Variants in CNBD1 observed in about 807,000 individuals in gnomAD.
CNBD1 encodes the protein cyclic nucleotide binding domain containing 1, also known as cyclic nucleotide-binding domain-containing protein 1.
CNBD1 carries 71 observed loss-of-function variants against 54.4 expected under a neutral mutation model. The ratio of observed to expected loss-of-function variants is 1.30; its 90% CI spans 1.08 to 1.59. The LOEUF (loss-of-function observed/expected upper bound fraction) is 1.59. Among genes scored for constraint, CNBD1 ranks in the 40% most tolerant of loss-of-function variants. The probability of loss-of-function intolerance (pLI) is 0.00; values close to 1 mark genes in which losing one functional copy is unlikely to be tolerated. For synonymous variants in CNBD1, 182 were observed against 170.7 expected (o/e 1.07, Z -0.51); for missense variants, 659 against 518.0 (o/e 1.27, Z -2.64).
intron 2 of CNBD1, among the ~76,000 whole-genome samples, chr8:87,417,258 A>G (rs572769627): frequency 9.8e-4 from 149 of 151,978 alleles, no homozygotes; most frequent in Non-Finnish European, 1.8e-3. Flanking sequence ...CCTTCATAAA[A>G]CCATCAGATC....
chr8:86,933,480 G>C (rs541757225), intron 3 of CNBD1, among the ~76,000 whole-genome samples: 13 of 152,222 alleles, frequency 8.5e-5, no homozygotes, highest in Non-Finnish European at 1.8e-4. Flanking sequence ...GCAAGTTACA[G>C]AATCCATAAG....
chr8:87,171,687 G>C (rs1305053929), intron 4 of CNBD1, among the ~76,000 whole-genome samples: 1 of 151,174 alleles, frequency 6.6e-6, no homozygotes, highest in Non-Finnish European at 1.5e-5. Context: ...CTCCCAGGCT[G>C]GAGTGCAGTG....
intron 2 of CNBD1, among the ~76,000 whole-genome samples, chr8:87,413,148 CT>C (rs1170709216): frequency 6.6e-6 from 1 of 151,922 alleles, no homozygotes; most frequent in East Asian, 1.9e-4. Flanking sequence ...GCCTTATATC[CT>C]TGTGGGAACG....
intron 4 of CNBD1, among the ~76,000 whole-genome samples, chr8:87,184,708 C>G (rs1461674863): frequency 6.6e-6 from 1 of 152,062 alleles, no homozygotes; most frequent in African/African-American, 2.4e-5. Flanking sequence ...TAACTTCCTC[C>G]CCTTTCAGCC....
At chr8:86,952,074 A>G (rs1442602047) in intron 4 of CNBD1, among the ~76,000 whole-genome samples, 2 of 152,098 alleles carry the variant, frequency 1.3e-5, no homozygotes, top group Admixed American at 6.6e-5. Context: ...TAATATAACC[A>G]TTTGTCTTCC....
At chr8:87,071,986 G>A (rs979354727) in intron 4 of CNBD1, among the ~76,000 whole-genome samples, 11 of 152,056 alleles carry the variant, frequency 7.2e-5, no homozygotes, top group African/African-American at 2.7e-4. Flanking sequence ...TTATGAATCT[G>A]GGTGCTCCTG....
intron 10 of CNBD1, among the ~76,000 whole-genome samples, chr8:87,371,283 A>G (rs1810787205): frequency 6.6e-6 from 1 of 151,974 alleles, no homozygotes; most frequent in Non-Finnish European, 1.5e-5. Context: ...TGGTAGCTTG[A>G]TGGGGATGGC....
intron 4 of CNBD1, among the ~76,000 whole-genome samples, chr8:87,202,737 C>G (rs896941539): frequency 6.6e-6 from 1 of 152,012 alleles, no homozygotes; most frequent in African/African-American, 2.4e-5. Context: ...CTGAATGAGT[C>G]CGAATGCAGA....
intron 4 of CNBD1, among the ~76,000 whole-genome samples, chr8:86,990,812 C>T (rs1808728810): frequency 6.6e-6 from 1 of 152,058 alleles, no homozygotes; most frequent in South Asian, 2.1e-4. Flanking sequence ...ATGATTCTTC[C>T]CATCCATGAA....
intron 2 of CNBD1, among the ~76,000 whole-genome samples, chr8:87,426,941 A>G (rs934571900): frequency 7.9e-5 from 12 of 152,224 alleles, no homozygotes; most frequent in African/African-American, 2.9e-4. Flanking sequence ...AATTAATAAT[A>G]TAAACTTTGT....
intron 2 of CNBD1, among the ~76,000 whole-genome samples, chr8:87,426,130 G>T (rs1364228455): frequency 6.6e-6 from 1 of 152,202 alleles, no homozygotes; most frequent in Admixed American, 6.5e-5. Flanking sequence ...GGAACTCCCT[G>T]AGCCCTTGTG....
Position 87,226,811 on chromosome 8 carries a change from C to G in CNBD1, c.578-10108C>G, listed in dbSNP as rs570040083. Among the ~76,000 whole-genome samples the G allele has an allele frequency of 2.8e-3, 428 of 151,266 alleles. 8 individuals carry two copies. Among genetic ancestry groups the G allele is most frequent in the South Asian group, 0.021 (102 of 4,816 alleles). On this transcript the variant is annotated intron_variant, in intron 5 of 10. Transcript: ENST00000518476. ...GGGTATCCTTGTTGACTTTCTGTCT[C>G]GTTGATCTGTCTAATGTTGACAGTG...
intron 8 of CNBD1, among the ~76,000 whole-genome samples, chr8:87,328,587 A>G (rs1222001876): frequency 2.0e-5 from 3 of 151,898 alleles, no homozygotes; most frequent in African/African-American, 7.2e-5. Context: ...GACTGCTTGG[A>G]GTCCTTTGTG....
At chr8:86,908,265 T>C (rs1299609473) in intron 3 of CNBD1, among the ~76,000 whole-genome samples, 1 of 152,226 alleles carries the variant, frequency 6.6e-6, no homozygotes, top group Non-Finnish European at 1.5e-5. Context: ...CTTGGGACTT[T>C]GATCATTATT....
chr8:87,423,705 A>T (rs1234173667), intron 2 of CNBD1, among the ~76,000 whole-genome samples: 1 of 150,598 alleles, frequency 6.6e-6, no homozygotes, highest in Non-Finnish European at 1.5e-5. Context: ...TTTTTGCATC[A>T]ATGTTCATCA....
chr8:87,125,954 T>G (rs540981886), intron 4 of CNBD1, among the ~76,000 whole-genome samples: 2 of 152,022 alleles, frequency 1.3e-5, no homozygotes, highest in South Asian at 4.1e-4. Flanking sequence ...TGATTTCTTT[T>G]ACTCAGCAAA....
intron 4 of CNBD1, among the ~76,000 whole-genome samples, chr8:87,072,923 C>T (rs971814627): frequency 6.6e-6 from 1 of 152,112 alleles, no homozygotes; most frequent in Admixed American, 6.5e-5. Flanking sequence ...GTTCCACTCT[C>T]CCTGTCTCTT....
chr8:86,907,783 C>T (rs1443087314), intron 3 of CNBD1, among the ~76,000 whole-genome samples: 1 of 151,958 alleles, frequency 6.6e-6, no homozygotes, highest in Admixed American at 6.6e-5. Flanking sequence ...TACATAGTTC[C>T]CACATTCAGT....
chr8:87,087,503 G>A lies in CNBD1; in HGVS notation c.432-118490G>A, dbSNP rs949789278. On this transcript the variant is annotated intron_variant, in intron 4 of 10. Transcript: ENST00000518476. ...TTTTGAGTTGGAGTCTCACTCTGTC[G>A]CCCAGGCTGGAGTGCAGTGGCGCGA... Among the ~76,000 whole-genome samples the A allele has an allele frequency of 5.9e-5, 8 of 135,968 alleles. No homozygotes were observed. The South Asian group carries it at 9.0e-4, about 15-fold the overall frequency. The allele number at this position is 135,968 out of a possible 152,430, so 89.2% of individuals were successfully genotyped here.
Sources: allele counts gnomAD v4.1 joint callset (sites outside exome capture counted in the v4.1 genomes callset), GRCh38; gene constraint gnomAD v4.1.1; transcripts MANE v1.5; gene names NCBI Gene and HGNC (gene_info 2026-07-23, HGNC 2026-07-21).